Variants in MTMR7 observed in about 807,000 individuals in gnomAD.
MTMR7 encodes myotubularin related protein 7.
Under a neutral mutation model 81.2 loss-of-function variants are expected in MTMR7, and 76 were observed. That is an observed-to-expected ratio of 0.94 (90% CI 0.78 to 1.13). The LOEUF is 1.13. MTMR7 is among the 50% of genes most tolerant of loss of function. The pLI, the probability that MTMR7 is intolerant of heterozygous loss-of-function variation, is 0.00. For missense variants in MTMR7, 1,044 were observed against 820.0 expected, an observed-to-expected ratio of 1.27 and a Z score of -3.34; for synonymous variants, 372 against 289.8, an observed-to-expected ratio of 1.28 and a Z score of -2.88.
intron 1 of MTMR7, among the ~76,000 whole-genome samples, chr8:17,385,009 GC>G (rs1215833471): frequency 1.3e-5 from 2 of 152,200 alleles, no homozygotes; most frequent in Non-Finnish European, 2.9e-5. Context: ...AAGAAAAAAT[GC>G]TGGTGGGATG....
chr8:17,341,500 A>AG lies in MTMR7; in HGVS notation c.598-4dup, dbSNP rs775828457. 5 of 1,613,260 alleles carry AG rather than the reference A, an allele frequency of 3.1e-6. No individual in the cohort carries two copies. The East Asian group carries it at 8.9e-5, about 29-fold the overall frequency. On this transcript the variant is annotated splice_region_variant and splice_polypyrimidine_tract_variant and intron_variant, in intron 5 of 13. Transcript: ENST00000180173. Reference sequence around the variant, plus strand: ...TGGCTGCTCCGGCAGATGGAGGCCTAGGGGGAGAGGTCACAGCAACACAGC... The same window carrying AG: ...TGGCTGCTCCGGCAGATGGAGGCCTAGGGGGGAGAGGTCACAGCAACACAGC...
At chr8:17,323,377 T>G (rs1229166339) in intron 7 of MTMR7, among the ~76,000 whole-genome samples, 1 of 151,988 alleles carries the variant, frequency 6.6e-6, no homozygotes, top group Non-Finnish European at 1.5e-5. Context: ...TAGAGAATAA[T>G]TAAAAGTCAA....
At chr8:17,365,772 T>G (rs1277484766) in intron 3 of MTMR7, among the ~76,000 whole-genome samples, 1 of 152,242 alleles carries the variant, frequency 6.6e-6, no homozygotes, top group African/African-American at 2.4e-5. Flanking sequence ...TATTATCTAA[T>G]TAAATCATAT....
chr8:17,403,126 C>A (rs1821476233), intron 1 of MTMR7, among the ~76,000 whole-genome samples: 1 of 152,006 alleles, frequency 6.6e-6, no homozygotes, highest in Non-Finnish European at 1.5e-5. Context: ...GTTGTTTGAG[C>A]CCCTTATATA....
At chr8:17,320,119 AAATT>A (rs1320595434) in intron 7 of MTMR7, among the ~76,000 whole-genome samples, 1 of 151,916 alleles carries the variant, frequency 6.6e-6, no homozygotes, top group Non-Finnish European at 1.5e-5. Flanking sequence ...TACATTATGA[AAATT>A]AATAATATAA....
intron 3 of MTMR7, among the ~76,000 whole-genome samples, chr8:17,367,244 T>A (rs947534929): frequency 1.3e-5 from 2 of 151,922 alleles, no homozygotes; most frequent in Admixed American, 6.6e-5. Context: ...AAAAAGAAAC[T>A]AGTTTAGGAA....
chr8:17,366,274 T>C (rs1458275163), intron 3 of MTMR7, among the ~76,000 whole-genome samples: 1 of 152,140 alleles, frequency 6.6e-6, no homozygotes, highest in East Asian at 1.9e-4. Context: ...GAAAATAACC[T>C]AGCTTGTTCC....
At chr8:17,355,467 C>T (rs563630028) in intron 4 of MTMR7, among the ~76,000 whole-genome samples, 1 of 151,602 alleles carries the variant, frequency 6.6e-6, no homozygotes, top group South Asian at 2.1e-4. Context: ...TTTTAAGTAT[C>T]AAGATTATAA....
chr8:17,346,747 G>A (rs1028487421), intron 5 of MTMR7, among the ~76,000 whole-genome samples: 3 of 150,810 alleles, frequency 2.0e-5, no homozygotes, highest in Non-Finnish European at 4.4e-5. Flanking sequence ...ATAAAAGATC[G>A]TTTCTCCCTC....
At chr8:17,374,107 C>T (rs1820500106) in intron 1 of MTMR7, among the ~76,000 whole-genome samples, 1 of 152,232 alleles carries the variant, frequency 6.6e-6, no homozygotes, top group Admixed American at 6.5e-5. Context: ...CAGAGAAACA[C>T]TGACTCATCC....
At chr8:17,321,425 G>C (rs567850068) in intron 7 of MTMR7, among the ~76,000 whole-genome samples, 1 of 152,206 alleles carries the variant, frequency 6.6e-6, no homozygotes, top group Non-Finnish European at 1.5e-5. Context: ...TTAACATTGC[G>C]TGTGCTAAGT....
chr8:17,301,877 C>T (rs562022390), intron 13 of MTMR7: 2 of 420,478 alleles, frequency 4.8e-6, no homozygotes, highest in Non-Finnish European at 8.3e-6. Flanking sequence ...AATTTTACTA[C>T]TCTCAAATAA....
intron 1 of MTMR7, among the ~76,000 whole-genome samples, chr8:17,375,718 T>C (rs1820565319): frequency 6.6e-6 from 1 of 152,232 alleles, no homozygotes. Context: ...AAATTAATTC[T>C]AGTATGAATC....
intron 4 of MTMR7, among the ~76,000 whole-genome samples, chr8:17,357,270 C>G (rs1363663644): frequency 6.6e-6 from 1 of 152,182 alleles, no homozygotes; most frequent in Admixed American, 6.5e-5. Context: ...TACTACTATA[C>G]ACAGAACTAA....
intron 1 of MTMR7, among the ~76,000 whole-genome samples, chr8:17,406,767 G>A (rs1035673653): frequency 6.6e-6 from 1 of 152,050 alleles, no homozygotes; most frequent in African/African-American, 2.4e-5. Flanking sequence ...CAAAATGCAG[G>A]ATTAGCCACA....
chr8:17,334,495 A>G (rs1200031967), intron 6 of MTMR7, among the ~76,000 whole-genome samples: 2 of 152,370 alleles, frequency 1.3e-5, no homozygotes, highest in Middle Eastern at 3.4e-3. Flanking sequence ...TTCATGTTTA[A>G]GAAACACACA....
chr8:17,367,954 T>G (rs1820283423), intron 3 of MTMR7, among the ~76,000 whole-genome samples: 1 of 151,832 alleles, frequency 6.6e-6, no homozygotes, highest in African/African-American at 2.4e-5. Flanking sequence ...TTCAGAGACC[T>G]TGACTTAAAT....
intron 1 of MTMR7, among the ~76,000 whole-genome samples, chr8:17,394,630 G>A (rs1821196680): frequency 6.6e-6 from 1 of 152,096 alleles, no homozygotes. Context: ...GTTACATAAT[G>A]TTGTGAATAC....
chr8:17,381,034 A>T (rs149280945), intron 1 of MTMR7, among the ~76,000 whole-genome samples: 2 of 152,282 alleles, frequency 1.3e-5, no homozygotes, highest in African/African-American at 4.8e-5. Context: ...AATTCCATTC[A>T]AAAAGATGCC....
Sources: allele counts gnomAD v4.1 joint callset (sites outside exome capture counted in the v4.1 genomes callset), GRCh38; gene constraint gnomAD v4.1.1; transcripts MANE v1.5; gene names NCBI Gene and HGNC (gene_info 2026-07-23, HGNC 2026-07-21).